Variants in FABP6 observed in about 807,000 individuals in gnomAD.
The protein encoded by FABP6 is fatty acid binding protein 6, also known as gastrotropin.
In FABP6, 13 loss-of-function variants were observed where a neutral mutation model predicts 14.9. The observed-to-expected ratio is 0.87, with a 90% CI of 0.57 to 1.39. FABP6 has a LOEUF of 1.39. Among genes scored for constraint, FABP6 ranks in the 40% most tolerant of loss-of-function variants. The probability of loss-of-function intolerance (pLI) is 0.00; values close to 1 mark genes in which losing one functional copy is unlikely to be tolerated. For missense variants in FABP6, 161 were observed against 167.2 expected (o/e 0.96, Z 0.20); for synonymous variants, 75 against 63.6 (o/e 1.18, Z -0.85).
At chr5:160,219,936 C>T (rs943506689) in intron 3 of FABP6, among the ~76,000 whole-genome samples, 1 of 152,180 alleles carries the variant, frequency 6.6e-6, no homozygotes, top group East Asian at 1.9e-4. Flanking sequence ...TCCCTTCCTA[C>T]ATCCCCAGTA....
intron 3 of FABP6, among the ~76,000 whole-genome samples, chr5:160,217,483 C>A (rs530262181): frequency 6.6e-6 from 1 of 152,154 alleles, no homozygotes; most frequent in Non-Finnish European, 1.5e-5. Flanking sequence ...TTGGACAGAG[C>A]ATCGTGGAAG....
At chr5:160,191,790 T>A (rs1223798368) in intron 1 of FABP6, among the ~76,000 whole-genome samples, 7 of 123,316 alleles carry the variant, frequency 5.7e-5, no homozygotes, top group Non-Finnish European at 1.0e-4. Context: ...TGAAACCCCA[T>A]CTCTACTAAA....
intron 1 of FABP6, among the ~76,000 whole-genome samples, chr5:160,189,845 G>C (rs7708859): frequency 0.91 from 138,830 of 152,296 alleles, 63,414 homozygotes; most frequent in African/African-American, 0.94. Context: ...TGGTATGTAT[G>C]CTCAGCAGAA....
chr5:160,229,694 A>G (rs1450596436), intron 1 of FABP6, 70 bp downstream of exon 1: 8 of 1,378,874 alleles, frequency 5.8e-6, no homozygotes, highest in Non-Finnish European at 4.1e-6. Context: ...CAGGAACCCT[A>G]AAGTAGAATG....
chr5:160,189,086 G>A (rs1209078192), intron 1 of FABP6, among the ~76,000 whole-genome samples: 1 of 151,904 alleles, frequency 6.6e-6, no homozygotes, highest in African/African-American at 2.4e-5. Context: ...GGTTTTGCAG[G>A]CCACACTCTC....
At chr5:160,190,982 G>C (rs994201273) in intron 1 of FABP6, among the ~76,000 whole-genome samples, 2 of 150,522 alleles carry the variant, frequency 1.3e-5, no homozygotes, top group African/African-American at 4.9e-5. Flanking sequence ...CCAGCGTGGT[G>C]TACTCAGGAG....
At chr5:160,236,399 A>G (rs1025823713) in intron 3 of FABP6, among the ~76,000 whole-genome samples, 1 of 152,084 alleles carries the variant, frequency 6.6e-6, no homozygotes, top group South Asian at 2.1e-4. Flanking sequence ...TCCTATCTCC[A>G]AATACCATCA....
intron 3 of FABP6, among the ~76,000 whole-genome samples, chr5:160,217,866 C>A (rs1554113463): frequency 6.6e-6 from 1 of 151,896 alleles, no homozygotes; most frequent in Non-Finnish European, 1.5e-5. Context: ...TCATCTCAAA[C>A]TCCTGGGCTC....
At position 160,192,448 on chromosome 5, in the gene FABP6, G is replaced by A. The variant is rs188420180; in HGVS notation, c.-59+4994G>A. Among the ~76,000 whole-genome samples the A allele has an allele frequency of 1.6e-4, 25 of 152,358 alleles. No individual in the cohort carries two copies. In the East Asian group the frequency reaches 4.0e-3, roughly 25 times the overall value. On this transcript the variant is annotated intron_variant, in intron 1 of 6. Transcript: ENST00000393980. ...TTAGCTCCATTCCTGCAGAAACCTT[G>A]CGTGTTTACTCTCCACTAAGTCCCC...
chr5:160,229,135 CTG>C (rs1383413977), upstream of FABP6, among the ~76,000 whole-genome samples: 1 of 152,178 alleles, frequency 6.6e-6, no homozygotes, highest in African/African-American at 2.4e-5. Context: ...TCTCGTTCAT[CTG>C]TGTTTCTTCA....
At chr5:160,214,763 G>A (rs1759978124) in intron 3 of FABP6, among the ~76,000 whole-genome samples, 1 of 151,328 alleles carries the variant, frequency 6.6e-6, no homozygotes, top group East Asian at 2.0e-4. Context: ...CGACCAGCAT[G>A]GGCAACATAG....
At chr5:160,204,138 CAAAAAA>C (rs67908380) in intron 2 of FABP6, among the ~76,000 whole-genome samples, 1 of 119,280 alleles carries the variant, frequency 8.4e-6, no homozygotes. Flanking sequence ...GACTCCATCT[CAAAAAA>C]AAAAAAAAAA....
intron 3 of FABP6, among the ~76,000 whole-genome samples, chr5:160,236,183 T>G (rs1760511626): frequency 6.6e-6 from 1 of 151,962 alleles, no homozygotes; most frequent in Non-Finnish European, 1.5e-5. Context: ...ATCTGGCTAA[T>G]TTTTGTATTT....
intron 2 of FABP6, among the ~76,000 whole-genome samples, chr5:160,202,180 G>A (rs913224514): frequency 6.6e-6 from 1 of 152,092 alleles, no homozygotes; most frequent in Non-Finnish European, 1.5e-5. Context: ...ATATTGAGAC[G>A]ACACAATCCT....
intron 2 of FABP6, among the ~76,000 whole-genome samples, chr5:160,206,713 G>A (rs569632081): frequency 6.6e-6 from 1 of 152,256 alleles, no homozygotes; most frequent in East Asian, 1.9e-4. Flanking sequence ...CATACCCACA[G>A]CTCTGAGGGC....
chr5:160,192,830 C>T (rs899795905), intron 1 of FABP6, among the ~76,000 whole-genome samples: 3 of 152,226 alleles, frequency 2.0e-5, no homozygotes, highest in Non-Finnish European at 4.4e-5. Context: ...AGAAATCCCA[C>T]GCTGGGGTTG....
chr5:160,229,313 C>T (rs1437593900), upstream of FABP6: 1 of 772,670 alleles, frequency 1.3e-6, no homozygotes, highest in African/African-American at 1.8e-5. Context: ...GCCATCCTGA[C>T]CCTGCTGGCA....
chr5:160,199,269 T>C, intron 2 of FABP6: 2 of 1,063,378 alleles, frequency 1.9e-6, no homozygotes, highest in Non-Finnish European at 2.9e-6. Context: ...TCTGTGATGC[T>C]AATAACAGAC....
intron 2 of FABP6, among the ~76,000 whole-genome samples, chr5:160,233,813 A>G (rs1457033330): frequency 2.0e-5 from 3 of 151,214 alleles, no homozygotes; most frequent in African/African-American, 7.3e-5. Context: ...CGGAGGTTAC[A>G]GTGAGCCGAG....
Sources: gnomAD v4.1 joint callset for allele counts (sites outside exome capture counted in the v4.1 genomes callset) on GRCh38, gnomAD v4.1.1 for gene constraint, MANE v1.5 for transcripts, NCBI Gene and HGNC (gene_info 2026-07-23, HGNC 2026-07-21) for gene names.